The following ARHGAP27 variants were observed in gnomAD, a reference collection of about 807,000 sequenced individuals.
ARHGAP27 encodes the protein rho GTPase-activating protein 27.
A neutral mutation model predicts 102.0 loss-of-function variants in ARHGAP27; 53 were observed. That is an observed-to-expected ratio of 0.52 (90% confidence interval 0.42 to 0.65). The LOEUF is 0.65. Ranked by LOEUF, ARHGAP27 falls within the 30% of genes least tolerant of loss-of-function variation. The pLI is 0.00. For synonymous variants in ARHGAP27, 525 were observed against 542.8 expected (o/e 0.97, Z 0.46); for missense variants, 1,117 against 1,256.2 (o/e 0.89, Z 1.68).
chr17:45,416,542 T>A (rs1362740481), intron 4 of ARHGAP27, among the ~76,000 whole-genome samples: 1 of 151,020 alleles, frequency 6.6e-6, no homozygotes, highest in African/African-American at 2.4e-5. Context: ...AATAAGTAAC[T>A]GTATTCTTTT....
chr17:45,414,316 C>T (rs569837519), intron 4 of ARHGAP27, among the ~76,000 whole-genome samples: 7 of 152,290 alleles, frequency 4.6e-5, no homozygotes, highest in African/African-American at 7.2e-5. Context: ...CTCCTCAGCC[C>T]GGTCCTGAAG....
Position 45,427,569 on chromosome 17 carries a change from G to A in ARHGAP27, c.657+2054C>T, listed in dbSNP as rs569667711. ...AAGAGCAGGGATGGGGTTCCCTTGCGGGGGCAGGGCCAACTCCCTACCCTG... is the reference window on the plus strand; with the variant it reads ...AAGAGCAGGGATGGGGTTCCCTTGCAGGGGCAGGGCCAACTCCCTACCCTG... On this transcript the variant is annotated intron_variant, in intron 4 of 19. Transcript: ENST00000685559. This position sits in a 1 kb window ranked among gnomAD's most constrained non-coding sequence, Gnocchi z 4.5. 6.6e-6 allele frequency among the ~76,000 whole-genome samples: 1 copy of A among 152,362 alleles called. No homozygotes were observed. The highest frequency in any genetic ancestry group is 1.5e-5 in the Non-Finnish European group (1 of 68,028).
chr17:45,408,559 C>G (rs552530931), intron 4 of ARHGAP27: 1 of 152,306 alleles, frequency 6.6e-6, no homozygotes, highest in East Asian at 1.9e-4. Flanking sequence ...CCCTCCACCC[C>G]ACTTGTCCTT....
chr17:45,425,050 G>A (rs2049430904), intron 4 of ARHGAP27, among the ~76,000 whole-genome samples: 1 of 148,846 alleles, frequency 6.7e-6, no homozygotes, highest in Admixed American at 6.6e-5. Flanking sequence ...TGGGTGGACA[G>A]CAATGTGGGG....
chr17:45,420,657 A>G (rs1341157274), intron 4 of ARHGAP27, among the ~76,000 whole-genome samples: 1 of 152,182 alleles, frequency 6.6e-6, no homozygotes, highest in East Asian at 1.9e-4. Context: ...CAGAGTTTTA[A>G]AAAAGGACTG....
Position 45,395,743 on chromosome 17 carries a change from C to A in ARHGAP27, c.2492+1G>T. 2 of 1,591,232 alleles carry A rather than the reference C, an allele frequency of 1.3e-6. No individual in the cohort carries two copies. The highest frequency in any genetic ancestry group is 1.7e-6 in the Non-Finnish European group (2 of 1,172,876). On this transcript the variant is annotated splice_donor_variant, in intron 19 of 19. Transcript: ENST00000685559. LOFTEE classifies it high-confidence loss of function. The stretch of plus-strand genomic sequence containing the variant: ...CTTCCCGCGCGGGCCGCCCGGCTCA[C>A]CGGCAGAGGTGCTGGAAGAGCATCC...
intron 4 of ARHGAP27, among the ~76,000 whole-genome samples, chr17:45,422,831 C>T (rs559688640): frequency 1.3e-5 from 2 of 152,196 alleles, no homozygotes; most frequent in Admixed American, 6.5e-5. Context: ...TTGAATAATA[C>T]AATCAATAAA....
At chr17:45,406,677 G>A (rs1217752937) in intron 4 of ARHGAP27, among the ~76,000 whole-genome samples, 1 of 152,016 alleles carries the variant, frequency 6.6e-6, no homozygotes, top group Non-Finnish European at 1.5e-5. Context: ...TTTTTGAGAT[G>A]GGGTCTAGCT....
rs1322460175 is a variant in ARHGAP27 at position 45,408,380 on chromosome 17, G to C, written c.658-2297C>G. The C allele has an allele frequency of 4.6e-5, 7 of 152,190 alleles. No homozygotes were observed. The East Asian group carries it at 1.3e-3, about 29-fold the overall frequency. 9.4% of individuals were successfully genotyped at this position (152,190 alleles called of 1,614,324 possible). A position where few individuals can be genotyped will look rare whatever the true frequency, so the allele number is the denominator to read the frequency against. ...AGTAAATGGACAGCATGTCAGTGCT[G>C]ATCACTGCTAAGCAAGAAATGAAAA... On this transcript the variant is annotated intron_variant, in intron 4 of 19. Transcript: ENST00000685559.
Position 45,405,676 on chromosome 17 carries a change from C to A in ARHGAP27, c.1065G>T (p.Arg355=). ...CGCCCACTCTGGCCCTGCCCCTCAC[C>A]CGCGGGTCCCCTGGGCTGCCAGGGC... ...GLSPGSPGDP[R]PPTPETDYPE... is the part of the protein sequence containing the mutation. Residue 355 remains arginine, a splice_region_variant and synonymous_variant, in exon 5 of 20, where the codon CGG becomes CGT. Coordinates refer to ENST00000685559, the MANE Select transcript of ARHGAP27 (RefSeq NM_001282290.2). 6.3e-7 allele frequency: 1 copy of A among 1,585,858 alleles called. No individual in the cohort carries two copies. Among genetic ancestry groups the A allele is most frequent in the Non-Finnish European group, 8.5e-7 (1 of 1,169,702 alleles).
intron 12 of ARHGAP27, among the ~76,000 whole-genome samples, chr17:45,399,691 G>C (rs1489881251): frequency 6.6e-6 from 1 of 151,620 alleles, no homozygotes; most frequent in Non-Finnish European, 1.5e-5. Flanking sequence ...AGATAACACA[G>C]CCTCACTCTA....
At chr17:45,426,563 C>T (rs140524347) in intron 4 of ARHGAP27, among the ~76,000 whole-genome samples, 188 of 152,196 alleles carry the variant, frequency 1.2e-3, no homozygotes, top group African/African-American at 4.4e-3. Context: ...GGCATCCCCA[C>T]ACACTCCCCA....
chr17:45,400,059 A>C (rs778650765), intron 12 of ARHGAP27, among the ~76,000 whole-genome samples: 2 of 152,070 alleles, frequency 1.3e-5, no homozygotes, highest in Admixed American at 6.5e-5. Flanking sequence ...GCTACTGGGG[A>C]GGCTGAAGTG....
In ARHGAP27 at chr17:45,429,874, C is replaced by A. The variant is rs1053955069; in HGVS notation, c.406G>T (p.Ala136Ser). The change falls in exon 4 of 20, where the codon GCG becomes TCG. Residue 136 changes from alanine (A) to serine (S), a missense_variant. Transcript: ENST00000685559. Reference sequence around the variant, plus strand: ...TACAGGCAGGCTGGCAGGCCGGGCGCCAGGCTGCTGCGCTGGGTCGCGGCG... The same window carrying A: ...TACAGGCAGGCTGGCAGGCCGGGCGACAGGCTGCTGCGCTGGGTCGCGGCG... ...RGAATQRSSL[A>S]PGLPACLYLR... The A allele has an allele frequency of 3.4e-4, 437 of 1,299,576 alleles. No individual in the cohort carries two copies. The highest frequency in any genetic ancestry group is 4.2e-4 in the Non-Finnish European group (427 of 1,028,072). The allele number at this position is 1,299,576 out of a possible 1,614,324, so 80.5% of individuals were successfully genotyped here. A position where few individuals can be genotyped will look rare whatever the true frequency, so the allele number is the denominator to read the frequency against.
chr17:45,430,082 C>A lies in ARHGAP27; in HGVS notation c.198G>T (p.Glu66Asp). ...PFYLPAQYVR[E>D]LPALGNPAAA... ...CGGCAGGGTTGCCCAGCGCGGGCAG[C>A]TCGCGCACGTACTGCGCAGGCAGGT... The change falls in exon 4 of 20, where the codon GAG (glutamate) becomes GAT (aspartate). Residue 66 changes from glutamate (E) to aspartate (D), a missense_variant. Glu to Asp is a conservative substitution (Grantham distance 45). Coordinates refer to ENST00000685559, the MANE Select transcript of ARHGAP27 (RefSeq NM_001282290.2). The surrounding 1 kb of genome is among the most constrained non-coding windows in gnomAD (Gnocchi z 4.4). 1 of 1,426,942 alleles carries A rather than the reference C, an allele frequency of 7.0e-7. No individual in the cohort carries two copies. Among genetic ancestry groups the A allele is most frequent in the Non-Finnish European group, 9.1e-7 (1 of 1,101,770 alleles). The allele number at this position is 1,426,942 out of a possible 1,614,324, so 88.4% of individuals were successfully genotyped here. A position where few individuals can be genotyped will look rare whatever the true frequency, so the allele number is the denominator to read the frequency against.
chr17:45,427,229 A>G lies in ARHGAP27; in HGVS notation c.657+2394T>C, dbSNP rs1416321161. Among the ~76,000 whole-genome samples the G allele has an allele frequency of 6.6e-6, 1 of 152,062 alleles. No homozygotes were observed. Among genetic ancestry groups the G allele is most frequent in the Non-Finnish European group, 1.5e-5 (1 of 68,010 alleles). On this transcript the variant is annotated intron_variant, in intron 4 of 19. Coordinates refer to ENST00000685559, the MANE Select transcript of ARHGAP27 (RefSeq NM_001282290.2). The surrounding 1 kb of genome is among the most constrained non-coding windows in gnomAD (Gnocchi z 4.5). Reference sequence around the variant, plus strand: ...CCTGGCCACAGGGATTTTTTTCTCAATCCCATTCCTGTCTCTGCTAAAAGC... The same window carrying G: ...CCTGGCCACAGGGATTTTTTTCTCAGTCCCATTCCTGTCTCTGCTAAAAGC...
At chr17:45,404,845 C>T in intron 6 of ARHGAP27, 79 bp downstream of exon 6, 1 of 1,598,972 alleles carries the variant, frequency 6.3e-7, no homozygotes, top group Non-Finnish European at 8.6e-7. Flanking sequence ...CGGTTTAGAG[C>T]ACTGAGGCGA....
chr17:45,417,474 A>G (rs1368558623), intron 4 of ARHGAP27, among the ~76,000 whole-genome samples: 1 of 151,740 alleles, frequency 6.6e-6, no homozygotes, highest in Non-Finnish European at 1.5e-5. Context: ...AAAAAAAAAA[A>G]AATTCTTTTT....
Position 45,431,708 on chromosome 17 carries a change from CGG to C in ARHGAP27, c.-108_-107del, listed in dbSNP as rs2050068767. ...GTTAGGCCCCTACCATCGCCCTGGG[CGG>C]GGTTTCCAGGGGCGAGGCCGGAGAG... is the stretch of plus-strand genomic sequence containing the variant. On this transcript the variant is annotated 5_prime_UTR_variant, in exon 3 of 20. Transcript: ENST00000685559. 1 of 168,398 alleles carries C rather than the reference CGG, an allele frequency of 5.9e-6. No individual in the cohort carries two copies. Among genetic ancestry groups the C allele is most frequent in the Admixed American group, 6.5e-5 (1 of 15,484 alleles). The allele number at this position is 168,398 out of a possible 1,614,324, so 10.4% of individuals were successfully genotyped here.
Sources: allele counts gnomAD v4.1 joint callset (sites outside exome capture counted in the v4.1 genomes callset), GRCh38; gene constraint gnomAD v4.1.1; non-coding constraint Gnocchi (gnomAD v3.1); transcripts MANE v1.5; gene names NCBI Gene and HGNC (gene_info 2026-07-23, HGNC 2026-07-21).